PACSIN2: variants seen among roughly 807,000 people sequenced by gnomAD.
PACSIN2 encodes protein kinase C and casein kinase substrate in neurons 2, also known as protein kinase C and casein kinase substrate in neurons protein 2.
PACSIN2 carries 25 observed loss-of-function variants against 63.8 expected under a neutral mutation model. That is an observed-to-expected ratio of 0.39 (90% CI 0.29 to 0.55). PACSIN2 has a LOEUF of 0.55. PACSIN2 is among the 20% of genes least tolerant of loss of function. The pLI is 0.62. For missense variants in PACSIN2, 518 were observed against 646.9 expected (o/e 0.80, Z 2.16); for synonymous variants, 255 against 256.2 (o/e 1.00, Z 0.05).
chr22:42,958,094 G>T (rs1933988678), intron 1 of PACSIN2, among the ~76,000 whole-genome samples: 1 of 146,472 alleles, frequency 6.8e-6, no homozygotes, highest in African/African-American at 2.5e-5. Context: ...CTCATCAGTA[G>T]AAAAAAAAAA....
At position 42,871,307 on chromosome 22, in the gene PACSIN2, G is replaced by T; in HGVS notation, c.*50C>A. 8.4e-7 allele frequency: 1 copy of T among 1,193,244 alleles called. No homozygotes were observed. The highest frequency in any genetic ancestry group is 1.2e-6 in the Non-Finnish European group (1 of 800,424). The allele number at this position is 1,193,244 out of a possible 1,614,324, so 73.9% of individuals were successfully genotyped here. A position where few individuals can be genotyped will look rare whatever the true frequency, so the allele number is the denominator to read the frequency against. On this transcript the variant is annotated 3_prime_UTR_variant, in exon 11 of 11. Transcript: ENST00000263246. The surrounding 1 kb of genome is among the most constrained non-coding windows in gnomAD (Gnocchi z 5.4). ...AGTGGATGCCCACGTGGCTGGCTGA[G>T]GCTCCTGGGCCCGCCGCCTCCGTCC... is the stretch of plus-strand genomic sequence containing the variant.
At chr22:43,014,166 G>A (rs1307331254) in intron 1 of PACSIN2, among the ~76,000 whole-genome samples, 1 of 151,838 alleles carries the variant, frequency 6.6e-6, no homozygotes, top group East Asian at 1.9e-4. Flanking sequence ...TGCCTGGCCA[G>A]GCTTGAAAGC....
At chr22:42,892,286 A>AC (rs973229023) in intron 3 of PACSIN2, among the ~76,000 whole-genome samples, 8 of 152,258 alleles carry the variant, frequency 5.3e-5, no homozygotes, top group Admixed American at 2.6e-4. Context: ...AGGGACAGTG[A>AC]CCAAGTGCGC....
rs142757987 is a variant in PACSIN2 at position 43,012,577 on chromosome 22, T to G, written c.-78+2444A>C. ...TGCACTGCAACTTCCATCTCCCAGG[T>G]TCAAGCAATTATCATGCCACAGCCT... On this transcript the variant is annotated intron_variant, in intron 1 of 10. Coordinates refer to ENST00000263246, the MANE Select transcript of PACSIN2 (RefSeq NM_001184970.3). Among the ~76,000 whole-genome samples, 784 of 152,124 alleles carry G rather than the reference T, an allele frequency of 5.2e-3. 3 individuals are homozygous for G. Among genetic ancestry groups the G allele is most frequent in the African/African-American group, 0.018 (748 of 41,478 alleles).
intron 8 of PACSIN2, among the ~76,000 whole-genome samples, chr22:42,878,412 A>C (rs779390673): frequency 3.3e-5 from 5 of 152,208 alleles, no homozygotes; most frequent in Non-Finnish European, 5.9e-5. Flanking sequence ...AATGACTATT[A>C]CTGAGTGTCA....
chr22:42,879,557 T>A (rs1021571663), intron 7 of PACSIN2, among the ~76,000 whole-genome samples: 3 of 152,204 alleles, frequency 2.0e-5, no homozygotes, highest in Non-Finnish European at 4.4e-5. Context: ...CAGGCCAGCA[T>A]GGGCCCCTGT....
intron 1 of PACSIN2, among the ~76,000 whole-genome samples, chr22:42,950,429 C>G (rs1423177321): frequency 4.1e-3 from 4 of 972 alleles, no homozygotes; most frequent in Admixed American, 0.022. Flanking sequence ...AGGGAGTGGG[C>G]AGGTGGGCAG....
chr22:42,953,906 A>G (rs1933806414), intron 1 of PACSIN2, among the ~76,000 whole-genome samples: 2 of 152,234 alleles, frequency 1.3e-5, no homozygotes, highest in South Asian at 4.1e-4. Context: ...GCCAGGGAAG[A>G]GAGGAATGCT....
intron 1 of PACSIN2, among the ~76,000 whole-genome samples, chr22:42,981,938 G>A (rs1403731371): frequency 1.1e-3 from 80 of 72,122 alleles, no homozygotes; most frequent in East Asian, 1.9e-3. Context: ...CTGCCCGGCC[G>A]CCCCTACTGG....
At chr22:42,905,298 G>C (rs901135297) in intron 2 of PACSIN2, among the ~76,000 whole-genome samples, 6 of 152,268 alleles carry the variant, frequency 3.9e-5, no homozygotes, top group Admixed American at 2.0e-4. Flanking sequence ...ACCTTTTCCT[G>C]TCTCCGCGTG....
At chr22:42,880,948 A>G (rs1037340688) in intron 7 of PACSIN2, among the ~76,000 whole-genome samples, 2 of 152,166 alleles carry the variant, frequency 1.3e-5, no homozygotes, top group Non-Finnish European at 2.9e-5. Context: ...GTCAGCCAAG[A>G]CTTCCTGGTG....
intron 1 of PACSIN2, among the ~76,000 whole-genome samples, chr22:42,968,485 C>G (rs1291331259): frequency 6.6e-6 from 1 of 152,100 alleles, no homozygotes; most frequent in Non-Finnish European, 1.5e-5. Context: ...AGCATTTGAA[C>G]CCTTATTCGA....
chr22:43,006,794 G>A (rs948042667), intron 1 of PACSIN2, among the ~76,000 whole-genome samples: 6 of 152,100 alleles, frequency 3.9e-5, no homozygotes, highest in African/African-American at 1.4e-4. Flanking sequence ...CAGCCTGGGC[G>A]ACAAGAGCAA....
At chr22:42,900,005 T>G (rs1022293899) in intron 2 of PACSIN2, among the ~76,000 whole-genome samples, 32 of 152,306 alleles carry the variant, frequency 2.1e-4, no homozygotes, top group African/African-American at 7.2e-4. Flanking sequence ...GAACGGTTAT[T>G]GATGAGCGAG....
chr22:42,932,539 G>C (rs1932802821), intron 1 of PACSIN2, among the ~76,000 whole-genome samples: 1 of 152,088 alleles, frequency 6.6e-6, no homozygotes, highest in South Asian at 2.1e-4. Flanking sequence ...GTGAAATGGT[G>C]GGACAGTAAA....
chr22:42,910,667 C>T (rs1423112934), intron 2 of PACSIN2, among the ~76,000 whole-genome samples: 1 of 152,192 alleles, frequency 6.6e-6, no homozygotes, highest in Non-Finnish European at 1.5e-5. Flanking sequence ...GTCACTCTTG[C>T]TGTCTTAAGT....
intron 1 of PACSIN2, among the ~76,000 whole-genome samples, chr22:42,960,168 C>T (rs1934079818): frequency 6.6e-6 from 1 of 152,246 alleles, no homozygotes; most frequent in African/African-American, 2.4e-5. Context: ...TTACACCATA[C>T]ATGAGTCTTC....
intron 1 of PACSIN2, among the ~76,000 whole-genome samples, chr22:42,987,011 T>G (rs554915047): frequency 3.6e-4 from 54 of 150,186 alleles, no homozygotes; most frequent in Non-Finnish European, 6.1e-4. Context: ...CCATTCCCAC[T>G]GACGCCTTCC....
intron 1 of PACSIN2, among the ~76,000 whole-genome samples, chr22:42,971,947 C>A (rs1164004637): frequency 2.6e-5 from 4 of 151,242 alleles, no homozygotes; most frequent in Admixed American, 2.6e-4. Context: ...TGCCTCTGCC[C>A]GGCCGCCCCG....
Sources: gnomAD v4.1 joint callset for allele counts (sites outside exome capture counted in the v4.1 genomes callset) on GRCh38, gnomAD v4.1.1 for gene constraint, Gnocchi (gnomAD v3.1) non-coding constraint, MANE v1.5 for transcripts, NCBI Gene and HGNC (gene_info 2026-07-23, HGNC 2026-07-21) for gene names.